TAF4B: variants seen among roughly 807,000 people sequenced by gnomAD.
TAF4B encodes the protein transcription initiation factor TFIID subunit 4B.
TAF4B carries 38 observed loss-of-function variants against 86.4 expected under a neutral mutation model. The observed-to-expected ratio is 0.44, with a 90% CI of 0.34 to 0.58. The LOEUF (loss-of-function observed/expected upper bound fraction) is 0.58, where lower values mean the gene tolerates loss of function less well. Among genes scored for constraint, TAF4B ranks in the 20% least tolerant of loss-of-function variants. The probability of loss-of-function intolerance (pLI) is 0.02; values close to 1 mark genes in which losing one functional copy is unlikely to be tolerated. For missense variants in TAF4B, 988 were observed against 1,027.6 expected, an observed-to-expected ratio of 0.96 and a Z score of 0.53; for synonymous variants, 388 against 391.2, an observed-to-expected ratio of 0.99 and a Z score of 0.10.
At chr18:26,367,328 G>A (rs2057378661) in intron 14 of TAF4B, among the ~76,000 whole-genome samples, 1 of 152,212 alleles carries the variant, frequency 6.6e-6, no homozygotes, top group African/African-American at 2.4e-5. Flanking sequence ...CAATGGTGTG[G>A]TGTAACTCTC....
At chr18:26,321,235 A>T (rs777819532) in intron 11 of TAF4B, 35 bp downstream of exon 11, 6 of 1,610,904 alleles carry the variant, frequency 3.7e-6, no homozygotes, top group Non-Finnish European at 1.7e-6. Context: ...TAAACTCTCG[A>T]GTGTTATAGG....
At position 26,285,222 on chromosome 18, in the gene TAF4B, G is replaced by GTTTTTGTTTTTGTTTTTTTTTTTTTTTT; in HGVS notation, c.973-655_973-654insGTTTTTGTTTTTTTTTTTTTTTTTTTTT. ...ATTTCTTCCTTTCCTTTTTTTTTTTGTTTTTTTTTTTTTTGGAGATGGGGT... is the reference window on the plus strand; with the variant it reads ...ATTTCTTCCTTTCCTTTTTTTTTTTGTTTTTGTTTTTGTTTTTTTTTTTTTTTTTTTTTTTTTTTTTTGGAGATGGGGT... On this transcript the variant is annotated intron_variant, in intron 6 of 14. Coordinates refer to ENST00000269142, the MANE Select transcript of TAF4B (RefSeq NM_005640.3). 7.7e-4 allele frequency among the ~76,000 whole-genome samples: 35 copies of GTTTTTGTTTTTGTTTTTTTTTTTTTTTT among 45,688 alleles called. 3 individuals carry two copies. The highest frequency in any genetic ancestry group is 1.1e-3 in the East Asian group (1 of 910). 30.0% of individuals were successfully genotyped at this position (45,688 alleles called of 152,430 possible). A position where few individuals can be genotyped will look rare whatever the true frequency, so the allele number is the denominator to read the frequency against.
At chr18:26,347,338 C>G (rs1361800713) in intron 13 of TAF4B, among the ~76,000 whole-genome samples, 1 of 152,022 alleles carries the variant, frequency 6.6e-6, no homozygotes, top group African/African-American at 2.4e-5. Flanking sequence ...AAGAGATACT[C>G]AAGGGAGTTT....
intron 6 of TAF4B, among the ~76,000 whole-genome samples, chr18:26,285,455 G>A (rs765002874): frequency 1.3e-5 from 2 of 151,718 alleles, no homozygotes; most frequent in Non-Finnish European, 2.9e-5. Flanking sequence ...CCAGAGTGCT[G>A]GGATTACAGG....
At chr18:26,357,546 C>T (rs2057297013) in intron 13 of TAF4B, 144 bp from the exon 14 acceptor site, 2 of 508,302 alleles carry the variant, frequency 3.9e-6, no homozygotes. Flanking sequence ...AGAAAATGTG[C>T]CCTTGGCTGT....
At chr18:26,332,428 C>CT (rs1367406497) in intron 12 of TAF4B, among the ~76,000 whole-genome samples, 1 of 152,162 alleles carries the variant, frequency 6.6e-6, no homozygotes, top group Non-Finnish European at 1.5e-5. Flanking sequence ...AGTGCACCCT[C>CT]TACAGAGTGG....
intron 9 of TAF4B, among the ~76,000 whole-genome samples, chr18:26,296,592 A>C (rs2056665712): frequency 6.6e-6 from 1 of 152,120 alleles, no homozygotes; most frequent in Non-Finnish European, 1.5e-5. Context: ...ACAGTAATCC[A>C]GGCAGTCATC....
At chr18:26,253,850 A>G (rs558422550) in intron 1 of TAF4B, among the ~76,000 whole-genome samples, 20 of 151,932 alleles carry the variant, frequency 1.3e-4, no homozygotes, top group African/African-American at 4.6e-4. Context: ...ATTAGTTTAT[A>G]ATTGTTTCTA....
chr18:26,262,975 G>A (rs1008152017), intron 1 of TAF4B, among the ~76,000 whole-genome samples: 3 of 151,930 alleles, frequency 2.0e-5, no homozygotes, highest in Non-Finnish European at 2.9e-5. Flanking sequence ...TTTAGAGACA[G>A]TGTTGTGCTC....
intron 14 of TAF4B, among the ~76,000 whole-genome samples, chr18:26,383,744 G>A (rs972590013): frequency 6.6e-6 from 1 of 152,150 alleles, no homozygotes; most frequent in Non-Finnish European, 1.5e-5. Context: ...TTGAAACATA[G>A]ACATTTAGGA....
At chr18:26,342,815 A>G (rs1294575660) in intron 13 of TAF4B, among the ~76,000 whole-genome samples, 5 of 152,196 alleles carry the variant, frequency 3.3e-5, no homozygotes, top group Non-Finnish European at 7.4e-5. Flanking sequence ...CATATTCTTA[A>G]AAGAGAACCT....
Position 26,390,490 on chromosome 18 carries a change from C to T in TAF4B, c.*478C>T, listed in dbSNP as rs1978640965. 1 of 153,304 alleles carries T rather than the reference C, an allele frequency of 6.5e-6. No homozygotes were observed. Among genetic ancestry groups the T allele is most frequent in the African/African-American group, 2.4e-5 (1 of 41,590 alleles). 9.5% of individuals were successfully genotyped at this position (153,304 alleles called of 1,614,324 possible). On this transcript the variant is annotated 3_prime_UTR_variant, in exon 15 of 15. Transcript: ENST00000269142. ...GTTGCTTAGCTAACTATGACAGTCA[C>T]CCTCTGTACGTGACAGGCCACTGTG...
At chr18:26,295,113 T>TCA in intron 9 of TAF4B, 1 of 201,540 alleles carries the variant, frequency 5.0e-6, no homozygotes, top group Non-Finnish European at 9.7e-6. Context: ...ACTGCATAAT[T>TCA]TATATATATA....
At chr18:26,354,939 C>G (rs1156561601) in intron 13 of TAF4B, among the ~76,000 whole-genome samples, 1 of 152,134 alleles carries the variant, frequency 6.6e-6, no homozygotes, top group African/African-American at 2.4e-5. Context: ...ATATCCACAA[C>G]AAAATTTTAT....
At chr18:26,303,351 C>G (rs1022669596) in intron 9 of TAF4B, among the ~76,000 whole-genome samples, 1 of 128,914 alleles carries the variant, frequency 7.8e-6, no homozygotes, top group East Asian at 2.2e-4. Flanking sequence ...TTTCATACCC[C>G]CTCCACTTTC....
chr18:26,274,920 T>G lies in TAF4B; in HGVS notation c.760-11T>G. 1 of 1,612,332 alleles carries G rather than the reference T, an allele frequency of 6.2e-7. No homozygotes were observed. The highest frequency in any genetic ancestry group is 8.5e-7 in the Non-Finnish European group (1 of 1,179,470). On this transcript the variant is annotated splice_polypyrimidine_tract_variant and intron_variant, in intron 4 of 14. Coordinates refer to ENST00000269142, the MANE Select transcript of TAF4B (RefSeq NM_005640.3). ...ACTTGTGTTTGCTTATATTTACATTTTCATATTTAGACAATGCTAGAAAAT... is the reference window on the plus strand; with the variant it reads ...ACTTGTGTTTGCTTATATTTACATTGTCATATTTAGACAATGCTAGAAAAT...
At position 26,320,097 on chromosome 18, in the gene TAF4B, G is replaced by A. The variant is rs1223127003; in HGVS notation, c.2003-973G>A. Among the ~76,000 whole-genome samples the A allele has an allele frequency of 4.6e-5, 7 of 152,080 alleles. No individual in the cohort carries two copies. The South Asian group carries it at 1.0e-3, about 23-fold the overall frequency. On this transcript the variant is annotated intron_variant, in intron 10 of 14. Transcript: ENST00000269142. ...TTTGAGTTATTGACTTTTAATTCAA[G>A]CATATTTTTTCTGTAGTTCACCCTT... is the stretch of plus-strand genomic sequence containing the variant.
chr18:26,257,720 G>A (rs1434371687), intron 1 of TAF4B, among the ~76,000 whole-genome samples: 1 of 151,858 alleles, frequency 6.6e-6, no homozygotes, highest in African/African-American at 2.4e-5. Flanking sequence ...TTTCTTAGAG[G>A]TTGCTTTAGG....
intron 1 of TAF4B, among the ~76,000 whole-genome samples, chr18:26,229,774 A>C (rs1275290228): frequency 6.6e-6 from 1 of 152,124 alleles, no homozygotes; most frequent in African/African-American, 2.4e-5. Context: ...GAGTGCTGGG[A>C]TTACAGGCGT....
Sources: allele counts gnomAD v4.1 joint callset (sites outside exome capture counted in the v4.1 genomes callset), GRCh38; gene constraint gnomAD v4.1.1; transcripts MANE v1.5; gene names NCBI Gene and HGNC (gene_info 2026-07-23, HGNC 2026-07-21).